The following MRO variants were observed in gnomAD, a reference collection of about 807,000 sequenced individuals.
MRO encodes the protein protein maestro.
Under a neutral mutation model 31.0 loss-of-function variants are expected in MRO, and 28 were observed. That is an observed-to-expected ratio of 0.90 (90% confidence interval 0.67 to 1.24). MRO has a LOEUF of 1.24. Ranked by LOEUF, MRO falls within the 50% of genes most tolerant of loss-of-function variation. MRO has a pLI of 0.00. For synonymous variants in MRO, 108 were observed against 108.4 expected (o/e 1.00, Z 0.02); for missense variants, 332 against 289.2 (o/e 1.15, Z -1.07).
chr18:50,814,242 G>A (rs116438588), intron 2 of MRO: 5,223 of 151,632 alleles, frequency 0.034, 129 homozygotes, highest in Non-Finnish European at 0.05. Flanking sequence ...ATTTATATTA[G>A]CATACTTGTG....
At chr18:50,809,742 C>T (rs191067892) in intron 2 of MRO, among the ~76,000 whole-genome samples, 1 of 152,258 alleles carries the variant, frequency 6.6e-6, no homozygotes, top group East Asian at 1.9e-4. Flanking sequence ...ACAGAGTAGC[C>T]TCAAATTTTG....
chr18:50,801,494 C>A lies in MRO; in HGVS notation c.440G>T (p.Ser147Ile). ...TRTLLDDEND[S>I]LRYSAFVLFG... ...CAAAACAAAGGCCGAGTATCTCAGA[C>A]TGTCGTTCTCCTGCGGTCCCCATCA... is the stretch of plus-strand genomic sequence containing the variant. The change falls in exon 6 of 8, where the codon AGT becomes ATT. Residue 147 changes from serine (S) to isoleucine (I), a missense_variant. Coordinates refer to ENST00000398439, the MANE Select transcript of MRO (RefSeq NM_031939.6). 1.3e-6 allele frequency: 2 copies of A among 1,594,488 alleles called. No individual in the cohort carries two copies. The highest frequency in any genetic ancestry group is 1.7e-6 in the Non-Finnish European group (2 of 1,172,468).
chr18:50,805,766 C>A (rs1240315760), intron 4 of MRO, among the ~76,000 whole-genome samples: 3 of 152,060 alleles, frequency 2.0e-5, no homozygotes, highest in Admixed American at 6.5e-5. Context: ...CACTTAAATT[C>A]ACCAGGAAGG....
chr18:50,812,616 T>A (rs1217542053), intron 2 of MRO, among the ~76,000 whole-genome samples: 1 of 152,236 alleles, frequency 6.6e-6, no homozygotes, highest in Non-Finnish European at 1.5e-5. Flanking sequence ...TACCCCTATA[T>A]GTTCTTTTAA....
intron 2 of MRO, among the ~76,000 whole-genome samples, chr18:50,815,924 C>T (rs1914879344): frequency 6.6e-6 from 1 of 152,102 alleles, no homozygotes; most frequent in South Asian, 2.1e-4. Context: ...ATCCCAGCTA[C>T]TTGGGAGGCT....
chr18:50,821,711 T>C (rs1356233041), upstream of MRO, among the ~76,000 whole-genome samples: 1 of 152,206 alleles, frequency 6.6e-6, no homozygotes, highest in African/African-American at 2.4e-5. Context: ...TGTTTTAAGA[T>C]ATTTGACAGA....
At chr18:50,818,304 G>A (rs1201348160) in intron 2 of MRO, among the ~76,000 whole-genome samples, 4 of 152,136 alleles carry the variant, frequency 2.6e-5, no homozygotes, top group Non-Finnish European at 4.4e-5. Context: ...ACCAAGACCA[G>A]GAGGTCACCT....
Position 50,806,635 on chromosome 18 carries a change from T to G in MRO, c.246+69A>C. On this transcript the variant is annotated intron_variant, in intron 4 of 7. Transcript: ENST00000398439. ...TACAACAGACACCATACTCCAGCCC[T>G]GGGAGTCTCCACACCAAGGTGGTTG... The G allele has an allele frequency of 1.9e-6, 3 of 1,582,226 alleles. 1 individual carries two copies. The South Asian group carries it at 3.3e-5, about 18-fold the overall frequency.
chr18:50,803,547 C>T (rs562950401), intron 5 of MRO, among the ~76,000 whole-genome samples: 13 of 152,276 alleles, frequency 8.5e-5, no homozygotes, highest in Non-Finnish European at 1.8e-4. Context: ...AACAAGTCCT[C>T]GAAGTTCAGA....
intron 3 of MRO, among the ~76,000 whole-genome samples, chr18:50,808,972 C>G (rs1426693288): frequency 6.6e-6 from 1 of 150,586 alleles, no homozygotes; most frequent in South Asian, 2.1e-4. Context: ...CCCGTCTCTA[C>G]TAAAAATACA....
intron 2 of MRO, among the ~76,000 whole-genome samples, chr18:50,818,346 T>TTATAGTTTTACTCATCTCTGCACACG (rs1915107786): frequency 6.6e-6 from 1 of 152,182 alleles, no homozygotes; most frequent in Non-Finnish European, 1.5e-5. Flanking sequence ...ACAGCTCTGC[T>TTATAGTTTTACTCATCTCTGCACACG]TATAGTTTTA....
chr18:50,818,078 A>G (rs993389114), intron 2 of MRO, among the ~76,000 whole-genome samples: 1 of 150,080 alleles, frequency 6.7e-6, no homozygotes, highest in African/African-American at 2.5e-5. Flanking sequence ...ATCCAACAAA[A>G]ACAAAAGGAT....
intron 5 of MRO, among the ~76,000 whole-genome samples, chr18:50,802,924 T>TA (rs555374475): frequency 2.6e-5 from 4 of 151,236 alleles, no homozygotes; most frequent in Non-Finnish European, 5.9e-5. Context: ...GTAGTGTGTG[T>TA]GTGTGTGTGT....
At chr18:50,803,394 C>A (rs907863066) in intron 5 of MRO, among the ~76,000 whole-genome samples, 1 of 152,000 alleles carries the variant, frequency 6.6e-6, no homozygotes, top group Non-Finnish European at 1.5e-5. Flanking sequence ...GTGGTCCCAG[C>A]CACTCAGGAG....
At chr18:50,824,430 G>A (rs920540985), upstream of MRO, among the ~76,000 whole-genome samples, 4 of 151,302 alleles carry the variant, frequency 2.6e-5, no homozygotes, top group African/African-American at 9.7e-5. Context: ...GATAGAGCAA[G>A]ACACTGTCTT....
upstream of MRO, among the ~76,000 whole-genome samples, chr18:50,820,588 C>T (rs1433038715): frequency 2.6e-5 from 4 of 152,212 alleles, no homozygotes; most frequent in African/African-American, 9.6e-5. Context: ...TCAATTAAAA[C>T]TTCTGTGTGC....
intron 3 of MRO, 108 bp from the exon 4 acceptor site, chr18:50,806,958 T>C (rs1914007362): frequency 8.8e-7 from 1 of 1,132,712 alleles, no homozygotes; most frequent in African/African-American, 1.5e-5. Flanking sequence ...TGCTCAATTT[T>C]ACCCCTTCTT....
chr18:50,823,022 C>A (rs780696785), upstream of MRO, among the ~76,000 whole-genome samples: 1 of 152,130 alleles, frequency 6.6e-6, no homozygotes, highest in African/African-American at 2.4e-5. Context: ...CGGGAAAACC[C>A]TTTGTAGAGG....
Position 50,798,563 on chromosome 18 carries a change from A to C in MRO, c.*774T>G, listed in dbSNP as rs1912981711. 1 of 152,226 alleles carries C rather than the reference A, an allele frequency of 6.6e-6. No individual in the cohort carries two copies. Among genetic ancestry groups the C allele is most frequent in the Non-Finnish European group, 1.5e-5 (1 of 68,048 alleles). The allele number at this position is 152,226 out of a possible 1,614,324, so 9.4% of individuals were successfully genotyped here. A position where few individuals can be genotyped will look rare whatever the true frequency, so the allele number is the denominator to read the frequency against. ...TCCCTATGTGTTAGCTTTCTCATCT[A>C]TAAAATGAGAACAATAATAATACTT... On this transcript the variant is annotated 3_prime_UTR_variant, in exon 8 of 8. Coordinates refer to ENST00000398439, the MANE Select transcript of MRO (RefSeq NM_031939.6).
Sources: gnomAD v4.1 joint callset for allele counts (sites outside exome capture counted in the v4.1 genomes callset) on GRCh38, gnomAD v4.1.1 for gene constraint, MANE v1.5 for transcripts, NCBI Gene and HGNC (gene_info 2026-07-23, HGNC 2026-07-21) for gene names.